The following GLIS3 variants were observed in gnomAD, a reference collection of about 807,000 sequenced individuals.
GLIS3 encodes zinc finger protein GLIS3.
In GLIS3, 53 loss-of-function variants were observed where a neutral mutation model predicts 78.6. The ratio of observed to expected loss-of-function variants is 0.67; its 90% confidence interval spans 0.54 to 0.85. GLIS3 has a LOEUF of 0.85. Ranked by LOEUF, GLIS3 falls within the 40% of genes least tolerant of loss-of-function variation. GLIS3 has a pLI of 0.00. For synonymous variants in GLIS3, 684 were observed against 509.9 expected (o/e 1.34, Z -4.60); for missense variants, 1,703 against 1,231.1 (o/e 1.38, Z -5.74).
chr9:4,489,260 A>G, the GLIS3 span, among the ~76,000 whole-genome samples: 1 of 152,208 alleles, frequency 6.6e-6, no homozygotes, highest in African/African-American at 2.4e-5. Context: ...TTCTATAAAG[A>G]GCTGATAAAC....
the GLIS3 span, among the ~76,000 whole-genome samples, chr9:4,425,225 T>C: frequency 7.2e-5 from 11 of 152,208 alleles, no homozygotes; most frequent in Non-Finnish European, 1.3e-4. Context: ...TTTATCATGT[T>C]TAAGGCACTG....
intron 2 of GLIS3, among the ~76,000 whole-genome samples, chr9:4,324,638 T>G (rs182366682): frequency 1.3e-3 from 198 of 152,334 alleles, no homozygotes; most frequent in Middle Eastern, 6.8e-3. Context: ...AAAAAGAGAC[T>G]GAGGTCAATC....
chr9:4,390,714 C>T, the GLIS3 span, among the ~76,000 whole-genome samples: 1 of 152,170 alleles, frequency 6.6e-6, no homozygotes, highest in Non-Finnish European at 1.5e-5. Context: ...GGCTCTTCCC[C>T]ACCCAGTAGT....
At chr9:4,079,644 A>G (rs1828381291) in intron 4 of GLIS3, among the ~76,000 whole-genome samples, 1 of 152,146 alleles carries the variant, frequency 6.6e-6, no homozygotes, top group Non-Finnish European at 1.5e-5. Flanking sequence ...TGCTGGGAAG[A>G]GCATGGCTAT....
At chr9:4,465,558 T>G in the GLIS3 span, among the ~76,000 whole-genome samples, 2 of 151,874 alleles carry the variant, frequency 1.3e-5, no homozygotes, top group South Asian at 2.1e-4. Context: ...CAAAAAAATA[T>G]AAAAAAGAAA....
chr9:3,922,434 A>G (rs748739086), intron 6 of GLIS3, among the ~76,000 whole-genome samples: 11 of 152,210 alleles, frequency 7.2e-5, no homozygotes, highest in African/African-American at 2.2e-4. Flanking sequence ...CTTGGTTTCA[A>G]TGAAAGTTTG....
chr9:3,836,385 C>A (rs998340734), intron 9 of GLIS3, among the ~76,000 whole-genome samples: 4 of 152,174 alleles, frequency 2.6e-5, no homozygotes, highest in African/African-American at 9.7e-5. Flanking sequence ...GGAAGTGTAG[C>A]GATTTTGGCC....
At chr9:3,944,204 C>T (rs200935924) in intron 4 of GLIS3, among the ~76,000 whole-genome samples, 1 of 152,100 alleles carries the variant, frequency 6.6e-6, no homozygotes, top group African/African-American at 2.4e-5. Context: ...AAAAATTTTT[C>T]AAGAAGCCAC....
rs376615676 is a variant in GLIS3, at chr9:3,845,332, G to A, written c.2473+10677C>T. On this transcript the variant is annotated intron_variant, in intron 9 of 10. Coordinates refer to ENST00000381971, the MANE Select transcript of GLIS3 (RefSeq NM_001042413.2). ...AAATATAGAATGTGAGGTGCAGAAC[G>A]TGAGGCCATTTTTATAACAGGGCAT... Among the ~76,000 whole-genome samples, 10 of 152,194 alleles carry A rather than the reference G, an allele frequency of 6.6e-5. 1 individual carries two copies. The South Asian group carries it at 2.1e-3, about 32-fold the overall frequency.
At chr9:4,287,531 AT>A (rs1354880829) in intron 1 of GLIS3, among the ~76,000 whole-genome samples, 1 of 152,246 alleles carries the variant, frequency 6.6e-6, no homozygotes. Flanking sequence ...TGCCAAATGT[AT>A]TATAGACACT....
intron 6 of GLIS3, among the ~76,000 whole-genome samples, chr9:3,918,220 G>A (rs1022504538): frequency 1.3e-5 from 2 of 152,272 alleles, no homozygotes; most frequent in Middle Eastern, 3.4e-3. Context: ...AGGGTCATTT[G>A]AGGGCAGGCT....
At chr9:4,135,466 C>A (rs1833335159) in intron 2 of GLIS3, among the ~76,000 whole-genome samples, 1 of 152,084 alleles carries the variant, frequency 6.6e-6, no homozygotes, top group South Asian at 2.1e-4. Flanking sequence ...CCCCTATATT[C>A]TTGAGAGAAG....
chr9:3,946,049 G>A (rs906593994), intron 4 of GLIS3, among the ~76,000 whole-genome samples: 2 of 152,126 alleles, frequency 1.3e-5, no homozygotes, highest in Admixed American at 1.3e-4. Flanking sequence ...TCCTGTGCCT[G>A]GTAACATCCT....
chr9:4,174,228 C>T (rs1400970519), intron 2 of GLIS3, among the ~76,000 whole-genome samples: 1 of 152,110 alleles, frequency 6.6e-6, no homozygotes, highest in Non-Finnish European at 1.5e-5. Context: ...TTACAATAAG[C>T]TGCATTTAAG....
At chr9:4,169,593 G>A (rs1317662502) in intron 2 of GLIS3, among the ~76,000 whole-genome samples, 2 of 152,204 alleles carry the variant, frequency 1.3e-5, no homozygotes, top group Non-Finnish European at 2.9e-5. Flanking sequence ...ATTTATCACT[G>A]TTAGTTTCCT....
intron 4 of GLIS3, among the ~76,000 whole-genome samples, chr9:4,058,635 C>A (rs1408313354): frequency 6.6e-6 from 1 of 152,156 alleles, no homozygotes; most frequent in African/African-American, 2.4e-5. Context: ...CCAAGAGCGA[C>A]ATTTGCTTGC....
chr9:3,963,589 G>C (rs1234176832), intron 4 of GLIS3, among the ~76,000 whole-genome samples: 3 of 152,168 alleles, frequency 2.0e-5, no homozygotes, highest in African/African-American at 7.2e-5. Context: ...CTAATGCAGA[G>C]ACCAAATAAG....
intron 4 of GLIS3, among the ~76,000 whole-genome samples, chr9:4,049,635 G>T (rs1316316800): frequency 6.6e-6 from 1 of 152,132 alleles, no homozygotes; most frequent in Non-Finnish European, 1.5e-5. Context: ...AATCTTCGGA[G>T]GAATGACCAT....
chr9:4,298,350 G>A (rs929384298), intron 1 of GLIS3: 3 of 455,774 alleles, frequency 6.6e-6, no homozygotes, highest in African/African-American at 2.0e-5. Flanking sequence ...CGCGGAGCCA[G>A]AAACCCTTCC....
Sources: gnomAD v4.1 joint callset for allele counts (sites outside exome capture counted in the v4.1 genomes callset) on GRCh38, gnomAD v4.1.1 for gene constraint, MANE v1.5 for transcripts, NCBI Gene and HGNC (gene_info 2026-07-23, HGNC 2026-07-21) for gene names.